The following CPNE4 variants were observed in gnomAD, a reference collection of about 807,000 sequenced individuals.
CPNE4 encodes copine 4, also known as copine-4.
In CPNE4, 25 loss-of-function variants were observed where a neutral mutation model predicts 67.9. The ratio of observed to expected loss-of-function variants is 0.37; its 90% CI spans 0.27 to 0.51. CPNE4 has a LOEUF of 0.51. Among genes scored for constraint, CPNE4 ranks in the 20% least tolerant of loss-of-function variants. The probability of loss-of-function intolerance (pLI) is 0.93; values close to 1 mark genes in which losing one functional copy is unlikely to be tolerated. For synonymous variants in CPNE4, 242 were observed against 244.9 expected, an observed-to-expected ratio of 0.99 and a Z score of 0.11; for missense variants, 464 against 690.8, an observed-to-expected ratio of 0.67 and a Z score of 3.68.
chr3:131,542,493 T>C (rs1935560169), intron 15 of CPNE4, 64 bp downstream of exon 15: 7 of 1,057,598 alleles, frequency 6.6e-6, no homozygotes, highest in Non-Finnish European at 8.9e-6. Flanking sequence ...TGGACAAATG[T>C]GGGAGGTGAG....
intron 2 of CPNE4, among the ~76,000 whole-genome samples, chr3:131,852,450 A>T (rs931099401): frequency 3.3e-5 from 5 of 152,170 alleles, no homozygotes; most frequent in South Asian, 2.1e-4. Context: ...CAGAAAAGTT[A>T]TTTGATAACA....
chr3:131,932,567 C>A (rs1279167691), intron 1 of CPNE4, among the ~76,000 whole-genome samples: 3 of 151,954 alleles, frequency 2.0e-5, no homozygotes, highest in South Asian at 4.2e-4. Context: ...AAGAGAGATA[C>A]CCTTAGGGAT....
chr3:131,912,333 A>G (rs539136161), intron 1 of CPNE4, among the ~76,000 whole-genome samples: 3 of 152,312 alleles, frequency 2.0e-5, no homozygotes, highest in East Asian at 1.9e-4. Flanking sequence ...GAAGAGAATC[A>G]GCTTGAGTTC....
At chr3:131,864,913 C>T (rs573178360) in intron 2 of CPNE4, among the ~76,000 whole-genome samples, 466 of 151,958 alleles carry the variant, frequency 3.1e-3, no homozygotes, top group African/African-American at 0.01. Context: ...GTTTTTAGCA[C>T]GAAGGGTTGT....
intron 3 of CPNE4, among the ~76,000 whole-genome samples, chr3:131,706,768 C>G (rs2081424169): frequency 6.6e-6 from 1 of 152,198 alleles, no homozygotes; most frequent in Non-Finnish European, 1.5e-5. Context: ...CTTGGTCTCA[C>G]CAACCCCGTA....
chr3:131,860,309 A>G (rs1253987256), intron 2 of CPNE4, among the ~76,000 whole-genome samples: 1 of 152,228 alleles, frequency 6.6e-6, no homozygotes, highest in African/African-American at 2.4e-5. Flanking sequence ...AACGGTACAT[A>G]TATTAATTGA....
intron 7 of CPNE4, among the ~76,000 whole-genome samples, chr3:131,645,546 G>A (rs915833896): frequency 5.9e-5 from 9 of 152,172 alleles, no homozygotes; most frequent in African/African-American, 2.2e-4. Flanking sequence ...TAATGATGGA[G>A]GTCCAGAGAA....
chr3:132,031,664 C>A (rs983994705), intron 1 of CPNE4, among the ~76,000 whole-genome samples: 2 of 152,180 alleles, frequency 1.3e-5, no homozygotes, highest in South Asian at 4.1e-4. Flanking sequence ...ATAAAGGTAA[C>A]ATAATGTTCT....
At chr3:131,967,444 C>T (rs1458969044) in intron 1 of CPNE4, among the ~76,000 whole-genome samples, 1 of 152,168 alleles carries the variant, frequency 6.6e-6, no homozygotes, top group Admixed American at 6.5e-5. Flanking sequence ...TTGCTGTTTG[C>T]AGATGACATG....
At chr3:131,979,631 C>G (rs1362890035) in intron 1 of CPNE4, among the ~76,000 whole-genome samples, 2 of 152,142 alleles carry the variant, frequency 1.3e-5, no homozygotes, top group Non-Finnish European at 2.9e-5. Flanking sequence ...ACTTTTTATC[C>G]ATTCTGCAGC....
At chr3:131,773,437 T>C (rs1247370178) in intron 2 of CPNE4, among the ~76,000 whole-genome samples, 1 of 152,106 alleles carries the variant, frequency 6.6e-6, no homozygotes, top group African/African-American at 2.4e-5. Context: ...ACACTCTGCC[T>C]CCTGGGTTCA....
At chr3:131,989,341 G>T (rs11708163) in intron 1 of CPNE4, among the ~76,000 whole-genome samples, 70,115 of 152,010 alleles carry the variant, frequency 0.46, 16,978 homozygotes, top group South Asian at 0.55. Context: ...AGGCTTTCAG[G>T]TAGCATAGAT....
At chr3:131,780,371 C>A (rs913418010) in intron 2 of CPNE4, among the ~76,000 whole-genome samples, 1 of 152,064 alleles carries the variant, frequency 6.6e-6, no homozygotes, top group Non-Finnish European at 1.5e-5. Context: ...CATAAAGACA[C>A]ATGCATGCTT....
chr3:131,786,588 G>A (rs948694511), intron 2 of CPNE4, among the ~76,000 whole-genome samples: 1 of 152,076 alleles, frequency 6.6e-6, no homozygotes, highest in African/African-American at 2.4e-5. Context: ...ACTTTTGAAG[G>A]TCACACAGTT....
intron 2 of CPNE4, among the ~76,000 whole-genome samples, chr3:131,852,044 C>T (rs1263846794): frequency 6.6e-6 from 1 of 152,024 alleles, no homozygotes; most frequent in Non-Finnish European, 1.5e-5. Context: ...CAAGCCTGAA[C>T]TTTTTATTAA....
At chr3:131,728,939 G>C (rs1416130748) in intron 2 of CPNE4, among the ~76,000 whole-genome samples, 1 of 151,712 alleles carries the variant, frequency 6.6e-6, no homozygotes, top group East Asian at 1.9e-4. Flanking sequence ...CTTGTGTGCG[G>C]GGCAATGTGT....
At chr3:131,787,090 C>A (rs1461472531) in intron 2 of CPNE4, among the ~76,000 whole-genome samples, 1 of 152,164 alleles carries the variant, frequency 6.6e-6, no homozygotes, top group African/African-American at 2.4e-5. Context: ...ATGCACCCAT[C>A]ATGCTTCAGT....
chr3:132,025,600 A>C (rs1199890001), intron 1 of CPNE4, among the ~76,000 whole-genome samples: 1 of 152,240 alleles, frequency 6.6e-6, no homozygotes, highest in Non-Finnish European at 1.5e-5. Context: ...CAACACAGCA[A>C]ACCATTACCA....
chr3:131,801,528 T>C (rs1435639396), intron 2 of CPNE4, among the ~76,000 whole-genome samples: 2 of 142,284 alleles, frequency 1.4e-5, no homozygotes, highest in Non-Finnish European at 3.0e-5. Flanking sequence ...AAAAAAAAGT[T>C]GCCTTGTGAC....
Sources: allele counts gnomAD v4.1 joint callset (sites outside exome capture counted in the v4.1 genomes callset), GRCh38; gene constraint gnomAD v4.1.1; transcripts MANE v1.5; gene names NCBI Gene and HGNC (gene_info 2026-07-23, HGNC 2026-07-21).